Variants in SCLT1 observed in about 807,000 individuals in gnomAD.
SCLT1 encodes the protein sodium channel and clathrin linker 1.
SCLT1 carries 78 observed loss-of-function variants against 112.8 expected under a neutral mutation model. The ratio of observed to expected loss-of-function variants is 0.69; its 90% CI spans 0.58 to 0.83. The LOEUF (loss-of-function observed/expected upper bound fraction) is 0.83, where lower values mean the gene tolerates loss of function less well. Among genes scored for constraint, SCLT1 ranks in the 40% least tolerant of loss-of-function variants. SCLT1 has a pLI of 0.00. For synonymous variants in SCLT1, 257 were observed against 254.7 expected (o/e 1.01, Z -0.09); for missense variants, 747 against 770.4 (o/e 0.97, Z 0.36).
chr4:128,988,695 G>T lies in SCLT1; in HGVS notation c.686+3472C>A, dbSNP rs28832627. On this transcript the variant is annotated intron_variant, in intron 9 of 20. Transcript: ENST00000281142. ...CAATAAAAAAAAGAGTAGCTGAATGGATAAAAAATAAGACCTAATCATATG... is the reference window on the plus strand; with the variant it reads ...CAATAAAAAAAAGAGTAGCTGAATGTATAAAAAATAAGACCTAATCATATG... Among the ~76,000 whole-genome samples the T allele has an allele frequency of 8.5e-3, 1,295 of 151,766 alleles. 17 individuals carry two copies. The highest frequency in any genetic ancestry group is 0.03 in the African/African-American group (1,231 of 41,468).
chr4:129,065,880 G>T lies in SCLT1; in HGVS notation c.102+16426C>A, dbSNP rs72926033. ...GTGACTAAACCCTATTATTCTGGGA[G>T]GGAAACACAAAATAGCAACAGACAA... On this transcript the variant is annotated intron_variant, in intron 2 of 20. Transcript: ENST00000281142. 1.6e-3 allele frequency among the ~76,000 whole-genome samples: 249 copies of T among 152,078 alleles called. 2 individuals are homozygous for T. The highest frequency in any genetic ancestry group is 0.014 in the East Asian group (71 of 5,186).
intron 17 of SCLT1, among the ~76,000 whole-genome samples, chr4:128,942,425 G>T (rs1737776056): frequency 6.6e-6 from 1 of 152,082 alleles, no homozygotes; most frequent in Non-Finnish European, 1.5e-5. Context: ...TGTTGATGAA[G>T]ATTGTGTTAC....
chr4:129,056,416 A>G (rs1749398756), intron 2 of SCLT1, among the ~76,000 whole-genome samples: 2 of 152,174 alleles, frequency 1.3e-5, no homozygotes, highest in Admixed American at 1.3e-4. Context: ...ATAGCTTTAT[A>G]GTATATTTTG....
chr4:129,024,318 C>T (rs1415432829), intron 5 of SCLT1, among the ~76,000 whole-genome samples: 1 of 152,184 alleles, frequency 6.6e-6, no homozygotes, highest in African/African-American at 2.4e-5. Context: ...CAGACTGACA[C>T]CTCACATGGC....
chr4:128,947,821 G>A (rs1738308841), intron 15 of SCLT1, among the ~76,000 whole-genome samples: 1 of 151,924 alleles, frequency 6.6e-6, no homozygotes, highest in Non-Finnish European at 1.5e-5. Context: ...CTTCTAAAAG[G>A]TAAAAATCAT....
At chr4:129,087,399 A>C (rs1477403795) in intron 1 of SCLT1, among the ~76,000 whole-genome samples, 1 of 152,200 alleles carries the variant, frequency 6.6e-6, no homozygotes, top group African/African-American at 2.4e-5. Flanking sequence ...ACTCTTACAG[A>C]AAGTTGAAGA....
intron 2 of SCLT1, among the ~76,000 whole-genome samples, chr4:129,075,828 A>G (rs1751414906): frequency 6.6e-6 from 1 of 152,188 alleles, no homozygotes; most frequent in African/African-American, 2.4e-5. Context: ...ACTCATGAGC[A>G]ACAGGAGTAG....
chr4:128,956,243 T>C (rs2126008897), intron 13 of SCLT1, among the ~76,000 whole-genome samples: 1 of 152,276 alleles, frequency 6.6e-6, no homozygotes, highest in South Asian at 2.1e-4. Context: ...GAAAATACAA[T>C]TAGAGGAATG....
intron 18 of SCLT1, among the ~76,000 whole-genome samples, chr4:128,928,423 T>C (rs1476186328): frequency 6.6e-6 from 1 of 152,178 alleles, no homozygotes; most frequent in African/African-American, 2.4e-5. Flanking sequence ...ATCATGTTGG[T>C]TTTGTCACAG....
chr4:129,049,564 G>T (rs1322593124), intron 2 of SCLT1, among the ~76,000 whole-genome samples: 1 of 150,524 alleles, frequency 6.6e-6, no homozygotes, highest in Non-Finnish European at 1.5e-5. Flanking sequence ...CACGAGCATG[G>T]CACATGTATA....
intron 2 of SCLT1, among the ~76,000 whole-genome samples, chr4:129,048,579 C>T (rs1424932870): frequency 1.3e-5 from 2 of 151,170 alleles, no homozygotes; most frequent in Admixed American, 1.3e-4. Context: ...GCAAGGACTT[C>T]ATGTCTAAAA....
At chr4:128,886,570 A>C (rs1237844851) in intron 20 of SCLT1, among the ~76,000 whole-genome samples, 3 of 152,206 alleles carry the variant, frequency 2.0e-5, no homozygotes. Context: ...CAGGGAAGAA[A>C]TTCCTTTTTG....
At chr4:129,013,699 T>C (rs1391760427) in intron 5 of SCLT1, among the ~76,000 whole-genome samples, 1 of 152,222 alleles carries the variant, frequency 6.6e-6, no homozygotes, top group Non-Finnish European at 1.5e-5. Context: ...ATCTTCCCTT[T>C]GTAGGTGACC....
intron 18 of SCLT1, among the ~76,000 whole-genome samples, chr4:128,914,309 T>C (rs951767373): frequency 6.6e-6 from 1 of 151,472 alleles, no homozygotes; most frequent in African/African-American, 2.4e-5. Flanking sequence ...GAGATTGTAG[T>C]GAACCGAGAT....
chr4:128,967,128 G>C (rs1366014338), intron 10 of SCLT1, among the ~76,000 whole-genome samples: 1 of 152,106 alleles, frequency 6.6e-6, no homozygotes, highest in Non-Finnish European at 1.5e-5. Context: ...CCGTTCCTGA[G>C]TTAATTTGCT....
intron 9 of SCLT1, among the ~76,000 whole-genome samples, chr4:128,987,544 A>C (rs1176437212): frequency 6.6e-6 from 1 of 152,204 alleles, no homozygotes; most frequent in African/African-American, 2.4e-5. Flanking sequence ...GAGTTGAAAA[A>C]TCCCATTGAA....
intron 4 of SCLT1, among the ~76,000 whole-genome samples, chr4:128,876,220 A>G (rs1353509506): frequency 6.6e-6 from 1 of 152,218 alleles, no homozygotes; most frequent in East Asian, 1.9e-4. Flanking sequence ...TGGCCAGTTT[A>G]AAAGAAAAAA....
intron 18 of SCLT1, among the ~76,000 whole-genome samples, chr4:128,892,826 A>G (rs1733433096): frequency 6.6e-6 from 1 of 152,232 alleles, no homozygotes; most frequent in South Asian, 2.1e-4. Flanking sequence ...TTGGGTATCT[A>G]TCATTAATTC....
At chr4:128,873,256 G>GAAAAAA (rs1296724284) in intron 5 of SCLT1, 17 of 28,662 alleles carry the variant, frequency 5.9e-4, no homozygotes, top group Non-Finnish European at 9.6e-4. Flanking sequence ...TAAGAAAAAG[G>GAAAAAA]AAAAAAAAAA....
Sources: gnomAD v4.1 joint callset for allele counts (sites outside exome capture counted in the v4.1 genomes callset) on GRCh38, gnomAD v4.1.1 for gene constraint, MANE v1.5 for transcripts, NCBI Gene and HGNC (gene_info 2026-07-23, HGNC 2026-07-21) for gene names.